Variants in TMEM91 observed in about 807,000 individuals in gnomAD.
TMEM91 encodes the protein transmembrane protein 91, also known as dispanin subfamily C member 3.
Under a neutral mutation model 13.3 loss-of-function variants are expected in TMEM91, and 6 were observed. That is an observed-to-expected ratio of 0.45 (90% CI 0.25 to 0.89). TMEM91 has a LOEUF of 0.89. TMEM91 is among the 40% of genes least tolerant of loss of function. The pLI is 0.19. For missense variants in TMEM91, 193 were observed against 228.7 expected (o/e 0.84, Z 1.01); for synonymous variants, 87 against 101.7 (o/e 0.86, Z 0.87).
chr19:41,383,068 G>A, intron 3 of TMEM91, 147 bp downstream of exon 3: 4 of 1,213,136 alleles, frequency 3.3e-6, no homozygotes, highest in Non-Finnish European at 4.6e-6. Context: ...CTCTCTGCAA[G>A]ATTTTTTTTG....
At chr19:41,372,071 G>T (rs754328576), upstream of TMEM91, among the ~76,000 whole-genome samples, 12 of 150,896 alleles carry the variant, frequency 8.0e-5, no homozygotes, top group Non-Finnish European at 1.6e-4. Context: ...AGTGGCTCCC[G>T]CCTGTAATCA....
At chr19:41,378,823 TGAGAGA>T (rs1160229560) in intron 2 of TMEM91, among the ~76,000 whole-genome samples, 5,623 of 44,566 alleles carry the variant, frequency 0.13, 280 homozygotes, top group African/African-American at 0.3. Flanking sequence ...TGTGTGTGTG[TGAGAGA>T]GAGAGAGAGA....
upstream of TMEM91, among the ~76,000 whole-genome samples, chr19:41,372,683 C>T (rs983485105): frequency 6.6e-6 from 1 of 152,070 alleles, no homozygotes; most frequent in Admixed American, 6.6e-5. Flanking sequence ...ATGTGTCTCC[C>T]TCTTTGCTTC....
At chr19:41,379,811 T>TC (rs2038833715) in intron 2 of TMEM91, among the ~76,000 whole-genome samples, 3 of 151,710 alleles carry the variant, frequency 2.0e-5, no homozygotes, top group Non-Finnish European at 4.4e-5. Context: ...GAGGTTGCAT[T>TC]CAGCTGGTGG....
intron 1 of TMEM91, among the ~76,000 whole-genome samples, chr19:41,365,128 C>T (rs2038495206): frequency 1.3e-5 from 2 of 152,018 alleles, no homozygotes; most frequent in African/African-American, 2.4e-5. Flanking sequence ...TCTAGCTATC[C>T]TCCCAGTTCT....
chr19:41,371,342 CTTCCTTCCTTCCTTCCTTCCTTCCTTCT>C (rs1437491399), intron 1 of TMEM91, among the ~76,000 whole-genome samples: 2 of 147,850 alleles, frequency 1.4e-5, no homozygotes, highest in Admixed American at 6.8e-5. Context: ...TCCTTCCTTC[CTTCCTTCCTTCCTTCCTTCCTTCCTTCT>C]TTCCTTCCTT....
upstream of TMEM91, among the ~76,000 whole-genome samples, chr19:41,374,875 C>G (rs924647531): frequency 1.3e-5 from 2 of 152,068 alleles, no homozygotes; most frequent in African/African-American, 4.8e-5. Context: ...CCTAACTACT[C>G]GGGAGGCTGA....
In TMEM91 at chr19:41,378,426, C is replaced by G; in HGVS notation, c.117C>G (p.Ala39=). Residue 39 remains alanine (A), a synonymous_variant, in exon 2 of 4, where the codon GCC becomes GCG. Coordinates refer to ENST00000392002, the MANE Select transcript of TMEM91 (RefSeq NM_001098821.2). ...HELGSPLREI[A]FAESLRGLQF... ...TGGGGTCCCCCTTAAGAGAGATAGC[C>G]TTTGCCGAGTCCCTGAGGGGTTTGC... 1 of 1,614,208 alleles carries G rather than the reference C, an allele frequency of 6.2e-7. No individual in the cohort carries two copies. Among genetic ancestry groups the G allele is most frequent in the South Asian group, 1.1e-5 (1 of 91,084 alleles).
chr19:41,373,353 T>G (rs535856760), upstream of TMEM91, among the ~76,000 whole-genome samples: 83 of 151,888 alleles, frequency 5.5e-4, no homozygotes, highest in South Asian at 2.9e-3. Context: ...AATTAATCTC[T>G]AGGATGGCCT....
At chr19:41,383,426 T>C in intron 3 of TMEM91, 1 of 1,069,318 alleles carries the variant, frequency 9.4e-7, no homozygotes, top group Non-Finnish European at 1.2e-6. Context: ...TGGGAATAAT[T>C]GCTACCTCTG....
chr19:41,375,013 AAC>A (rs2038684863), upstream of TMEM91, among the ~76,000 whole-genome samples: 1 of 152,112 alleles, frequency 6.6e-6, no homozygotes, highest in African/African-American at 2.4e-5. Context: ...CTGGAAAGGA[AAC>A]CAGGTCTATG....
At chr19:41,367,500 G>A (rs1198178369) in intron 1 of TMEM91, among the ~76,000 whole-genome samples, 1 of 151,612 alleles carries the variant, frequency 6.6e-6, no homozygotes, top group East Asian at 2.0e-4. Flanking sequence ...GCATGGCGGC[G>A]GGCGCCTGTA....
At chr19:41,378,609 C>A (rs2038788751) in intron 2 of TMEM91, 90 bp downstream of exon 2, 35 of 1,372,672 alleles carry the variant, frequency 2.5e-5, no homozygotes, top group Non-Finnish European at 3.4e-5. Flanking sequence ...ACAGCTGTGC[C>A]GATCTGCCTT....
chr19:41,378,475 T>G lies in TMEM91; in HGVS notation c.166T>G (p.Ser56Ala). The G allele has an allele frequency of 6.2e-7, 1 of 1,613,990 alleles. No individual in the cohort carries two copies. Among genetic ancestry groups the G allele is most frequent in the Non-Finnish European group, 8.5e-7 (1 of 1,179,960 alleles). ...GLQFLSPPLP[S>A]VSAGLGEPRP... ...GCAGTTCCTGTCACCGCCTCTTCCC[T>G]CCGTGAGCGCTGGCCTGGGGGAACC... Residue 56 changes from serine to alanine, a missense_variant, in exon 2 of 4, where the codon TCC becomes GCC. Coordinates refer to ENST00000392002, the MANE Select transcript of TMEM91 (RefSeq NM_001098821.2).
intron 3 of TMEM91, 120 bp from the exon 4 acceptor site, chr19:41,383,595 T>C: frequency 3.1e-6 from 5 of 1,614,130 alleles, no homozygotes; most frequent in Non-Finnish European, 4.2e-6. Flanking sequence ...AGGTGCTACG[T>C]ATCTGCTTTT....
intron 2 of TMEM91, 50 bp from the exon 3 acceptor site, chr19:41,382,722 G>T: frequency 6.3e-7 from 1 of 1,590,260 alleles, no homozygotes; most frequent in Non-Finnish European, 8.6e-7. Context: ...AGAGCAATGG[G>T]GCAGGAAAGG....
chr19:41,378,425 C>T lies in TMEM91; in HGVS notation c.116C>T (p.Ala39Val). Residue 39 changes from alanine to valine, a missense_variant, in exon 2 of 4, where the codon GCC (alanine) becomes GTC (valine). Coordinates refer to ENST00000392002, the MANE Select transcript of TMEM91 (RefSeq NM_001098821.2). ...CTGGGGTCCCCCTTAAGAGAGATAGCCTTTGCCGAGTCCCTGAGGGGTTTG... is the reference window on the plus strand; with the variant it reads ...CTGGGGTCCCCCTTAAGAGAGATAGTCTTTGCCGAGTCCCTGAGGGGTTTG... ...HELGSPLREI[A>V]FAESLRGLQF... The T allele has an allele frequency of 6.2e-7, 1 of 1,614,200 alleles. No individual in the cohort carries two copies. The highest frequency in any genetic ancestry group is 8.5e-7 in the Non-Finnish European group (1 of 1,180,036).
intron 2 of TMEM91, among the ~76,000 whole-genome samples, chr19:41,382,203 G>A (rs969115288): frequency 6.6e-6 from 1 of 152,168 alleles, no homozygotes; most frequent in Non-Finnish European, 1.5e-5. Flanking sequence ...GTAAGCAATT[G>A]TAGCGTCCAT....
chr19:41,381,812 A>G (rs2038894795), intron 2 of TMEM91, among the ~76,000 whole-genome samples: 1 of 151,964 alleles, frequency 6.6e-6, no homozygotes, highest in Non-Finnish European at 1.5e-5. Context: ...GTGCCCGGCC[A>G]ATAATCTCCA....
Sources: allele counts gnomAD v4.1 joint callset (sites outside exome capture counted in the v4.1 genomes callset), GRCh38; gene constraint gnomAD v4.1.1; transcripts MANE v1.5; gene names NCBI Gene and HGNC (gene_info 2026-07-23, HGNC 2026-07-21).